CNOT6: variants seen among roughly 807,000 people sequenced by gnomAD.
CNOT6 encodes the protein CCR4-NOT transcription complex subunit 6, also known as carbon catabolite repression 4 protein.
Under a neutral mutation model 61.2 loss-of-function variants are expected in CNOT6, and 12 were observed. The ratio of observed to expected loss-of-function variants is 0.20; its 90% CI spans 0.13 to 0.32. CNOT6 has a LOEUF of 0.32. CNOT6 is among the 10% of genes least tolerant of loss of function. The pLI, the probability that CNOT6 is intolerant of heterozygous loss-of-function variation, is 1.00. For missense variants in CNOT6, 405 were observed against 663.9 expected, an observed-to-expected ratio of 0.61 and a Z score of 4.28; for synonymous variants, 225 against 240.6, an observed-to-expected ratio of 0.94 and a Z score of 0.60.
chr5:180,558,276 T>C (rs183661017), intron 4 of CNOT6, among the ~76,000 whole-genome samples: 124 of 151,886 alleles, frequency 8.2e-4, no homozygotes, highest in African/African-American at 2.8e-3. Flanking sequence ...GACAGACGCA[T>C]GGGAGGAGAG....
At chr5:180,536,290 TGCCTG>T (rs1391600894) in intron 2 of CNOT6, among the ~76,000 whole-genome samples, 1 of 152,108 alleles carries the variant, frequency 6.6e-6, no homozygotes, top group Non-Finnish European at 1.5e-5. Flanking sequence ...TGAGCCACCG[TGCCTG>T]GCCTAGGGTT....
At chr5:180,562,157 C>G (rs1760219231) in intron 4 of CNOT6, among the ~76,000 whole-genome samples, 1 of 152,164 alleles carries the variant, frequency 6.6e-6, no homozygotes, top group Admixed American at 6.5e-5. Flanking sequence ...GGAACTCATC[C>G]CTGTGCCGTT....
rs950902735 is a variant in CNOT6 at position 180,552,092 on chromosome 5, C to T, written c.300-1294C>T. 6.6e-5 allele frequency among the ~76,000 whole-genome samples: 10 copies of T among 151,832 alleles called. 1 individual carries two copies. The highest frequency in any genetic ancestry group is 1.9e-4 in the African/African-American group (8 of 41,366). ...CCATGTTGGCCAGGCTAGTCTCAAA[C>T]TCCTGACCTCAAATGATCTGCCTGC... On this transcript the variant is annotated intron_variant, in intron 3 of 11. Coordinates refer to ENST00000261951, the MANE Select transcript of CNOT6 (RefSeq NM_001370472.1).
chr5:180,519,089 G>C (rs968228214), intron 1 of CNOT6, among the ~76,000 whole-genome samples: 1 of 152,190 alleles, frequency 6.6e-6, no homozygotes, highest in Non-Finnish European at 1.5e-5. Flanking sequence ...GAATAGCAGG[G>C]AATTGTAATC....
intron 3 of CNOT6, among the ~76,000 whole-genome samples, chr5:180,552,618 C>A (rs901511972): frequency 3.3e-5 from 5 of 151,104 alleles, no homozygotes; most frequent in Admixed American, 6.6e-5. Flanking sequence ...TGCACTCCAG[C>A]CTGGGCAATG....
intron 1 of CNOT6, among the ~76,000 whole-genome samples, chr5:180,500,102 TTTTTC>T (rs1756803532): frequency 5.2e-5 from 6 of 116,050 alleles, no homozygotes; most frequent in Non-Finnish European, 1.3e-4. Context: ...CTTTTCTTTT[TTTTTC>T]CCCCCTTTTT....
rs72812948 is a variant in CNOT6, at chr5:180,530,109, T to A, written c.112+721T>A. ...AAGTTTTGTGTTACTGTTGGCCTAT[T>A]ATGCTTCCCCTTACTTTCCTTTCAG... On this transcript the variant is annotated intron_variant, in intron 2 of 11. Transcript: ENST00000261951. Among the ~76,000 whole-genome samples, 1,040 of 152,372 alleles carry A rather than the reference T, an allele frequency of 6.8e-3. 11 individuals are homozygous for A. Among genetic ancestry groups the A allele is most frequent in the Non-Finnish European group, 0.012 (829 of 68,036 alleles).
chr5:180,547,932 C>T (rs1466147539), intron 2 of CNOT6, among the ~76,000 whole-genome samples: 1 of 152,152 alleles, frequency 6.6e-6, no homozygotes, highest in Non-Finnish European at 1.5e-5. Context: ...TGGGGTTTCA[C>T]CGTGTTGGCC....
Position 180,549,934 on chromosome 5 carries a change from A to G in CNOT6, c.116A>G (p.Lys39Arg), listed in dbSNP as rs756002511. The G allele has an allele frequency of 3.1e-5, 49 of 1,600,664 alleles. No individual in the cohort carries two copies. The highest frequency in any genetic ancestry group is 4.0e-5 in the Non-Finnish European group (47 of 1,170,730). The change falls in exon 3 of 12, where the codon AAA becomes AGA. Residue 39 changes from lysine to arginine, a missense_variant. Physicochemically the swap from Lys to Arg is conservative, Grantham distance 26. Coordinates refer to ENST00000261951, the MANE Select transcript of CNOT6 (RefSeq NM_001370472.1). The stretch of plus-strand genomic sequence containing the variant: ...CCTGTATTTTTTTCTCTTACAGGAA[A>G]AGTAAGAAGCTTAAGCGCATCTTTG... Reference protein sequence around the residue: ...SHWAELEISGKVRSLSASLWS... With the variant: ...SHWAELEISGRVRSLSASLWS...
intron 1 of CNOT6, among the ~76,000 whole-genome samples, chr5:180,497,325 C>CAAAAAA (rs111362029): frequency 2.4e-5 from 3 of 126,134 alleles, no homozygotes; most frequent in Non-Finnish European, 3.3e-5. Context: ...AACTCCGTCT[C>CAAAAAA]AAAAAAAAAA....
intron 4 of CNOT6, among the ~76,000 whole-genome samples, chr5:180,558,079 G>T (rs936390806): frequency 6.6e-6 from 1 of 152,046 alleles, no homozygotes; most frequent in Non-Finnish European, 1.5e-5. Flanking sequence ...CCATCCTTCC[G>T]CCAACATCTG....
At chr5:180,573,601 G>C (rs747629904) in intron 11 of CNOT6, among the ~76,000 whole-genome samples, 462 of 11,302 alleles carry the variant, frequency 0.041, 4 homozygotes, top group Non-Finnish European at 0.087. Context: ...GTGTGTGTGT[G>C]TCCGTCCGTC....
In CNOT6 at chr5:180,548,421, G is replaced by C. The variant is rs1008575816; in HGVS notation, c.113-1510G>C. Among the ~76,000 whole-genome samples, 10 of 152,216 alleles carry C rather than the reference G, an allele frequency of 6.6e-5. No homozygotes were observed. In the South Asian group the frequency reaches 2.1e-3, roughly 32 times the overall value. Reference sequence around the variant, plus strand: ...CTGTTGACAACTTGAGCCAGGGAGTGGGGGGCCCCATCAGATCTCCAGACT... The same window carrying C: ...CTGTTGACAACTTGAGCCAGGGAGTCGGGGGCCCCATCAGATCTCCAGACT... On this transcript the variant is annotated intron_variant, in intron 2 of 11. Coordinates refer to ENST00000261951, the MANE Select transcript of CNOT6 (RefSeq NM_001370472.1).
intron 2 of CNOT6, among the ~76,000 whole-genome samples, chr5:180,530,249 T>C (rs1308075721): frequency 6.6e-6 from 1 of 152,264 alleles, no homozygotes; most frequent in Non-Finnish European, 1.5e-5. Context: ...ATATGCTGTG[T>C]GTAAAACATT....
chr5:180,529,414 G>A, intron 2 of CNOT6, 26 bp downstream of exon 2: 1 of 1,392,788 alleles, frequency 7.2e-7, no homozygotes, highest in Non-Finnish European at 1.0e-6. Flanking sequence ...ATGAATTTAT[G>A]GTATGGAAAT....
At chr5:180,527,915 T>C (rs1362754197) in intron 1 of CNOT6, among the ~76,000 whole-genome samples, 2 of 152,196 alleles carry the variant, frequency 1.3e-5, no homozygotes, top group Middle Eastern at 3.2e-3. Flanking sequence ...GAACTGCGCA[T>C]GCGAGGGACC....
chr5:180,521,665 C>T (rs1027320773), intron 1 of CNOT6, among the ~76,000 whole-genome samples: 1 of 152,188 alleles, frequency 6.6e-6, no homozygotes, highest in East Asian at 1.9e-4. Context: ...TCCCATCACA[C>T]AGGTAGTCAG....
chr5:180,560,630 C>T (rs181270881), intron 4 of CNOT6, among the ~76,000 whole-genome samples: 4 of 152,198 alleles, frequency 2.6e-5, no homozygotes, highest in Non-Finnish European at 4.4e-5. Flanking sequence ...CATTTTTCTC[C>T]GGCTGCTTTC....
chr5:180,513,501 A>T (rs549737077), intron 1 of CNOT6, among the ~76,000 whole-genome samples: 1 of 150,788 alleles, frequency 6.6e-6, no homozygotes, highest in South Asian at 2.1e-4. Context: ...CTACTCTTAG[A>T]GTAGCTGGGA....
Sources: gnomAD v4.1 joint callset for allele counts (sites outside exome capture counted in the v4.1 genomes callset) on GRCh38, gnomAD v4.1.1 for gene constraint, MANE v1.5 for transcripts, NCBI Gene and HGNC (gene_info 2026-07-23, HGNC 2026-07-21) for gene names.